PPP1R12B: variants seen among roughly 807,000 people sequenced by gnomAD.
The protein encoded by PPP1R12B is protein phosphatase 1 regulatory subunit 12B.
A neutral mutation model predicts 126.1 loss-of-function variants in PPP1R12B; 76 were observed. The ratio of observed to expected loss-of-function variants is 0.60; its 90% CI spans 0.50 to 0.73. PPP1R12B has a LOEUF of 0.73. Ranked by LOEUF, PPP1R12B falls within the 30% of genes least tolerant of loss-of-function variation. The pLI is 0.00. For synonymous variants in PPP1R12B, 356 were observed against 434.7 expected, an observed-to-expected ratio of 0.82 and a Z score of 2.25; for missense variants, 1,052 against 1,205.1, an observed-to-expected ratio of 0.87 and a Z score of 1.88.
chr1:202,383,737 AAG>A (rs1662700101), intron 1 of PPP1R12B, among the ~76,000 whole-genome samples: 1 of 152,188 alleles, frequency 6.6e-6, no homozygotes. Flanking sequence ...AAAAAAGAAA[AAG>A]ATATAATCTA....
At chr1:202,473,723 C>A (rs1676244241) in intron 13 of PPP1R12B, among the ~76,000 whole-genome samples, 1 of 152,216 alleles carries the variant, frequency 6.6e-6, no homozygotes, top group Non-Finnish European at 1.5e-5. Context: ...TGCCTTCTTT[C>A]CCTTTTCTCC....
At chr1:202,438,213 A>C (rs752122167) in intron 10 of PPP1R12B, 189 bp downstream of exon 10, 3 of 1,565,338 alleles carry the variant, frequency 1.9e-6, no homozygotes, top group Non-Finnish European at 2.6e-6. Flanking sequence ...TTGCTTGACC[A>C]AAAAAGAAAA....
rs2149047931 is a variant in PPP1R12B, at chr1:202,583,790, C to T, written c.*3230C>T. 6.6e-6 allele frequency: 1 copy of T among 152,318 alleles called. No individual in the cohort carries two copies. The highest frequency in any genetic ancestry group is 1.9e-4 in the East Asian group (1 of 5,192). 9.4% of individuals were successfully genotyped at this position (152,318 alleles called of 1,614,324 possible). A position where few individuals can be genotyped will look rare whatever the true frequency, so the allele number is the denominator to read the frequency against. Reference sequence around the variant, plus strand: ...TCATGAGCACCCCAGGCAGCTCAAGCTGAATAAATAGCTGCAGACATGGCC... The same window carrying T: ...TCATGAGCACCCCAGGCAGCTCAAGTTGAATAAATAGCTGCAGACATGGCC... On this transcript the variant is annotated 3_prime_UTR_variant, in exon 24 of 24. Transcript: ENST00000608999.
At chr1:202,464,282 A>G (rs1295962112) in intron 13 of PPP1R12B, among the ~76,000 whole-genome samples, 1 of 152,196 alleles carries the variant, frequency 6.6e-6, no homozygotes, top group African/African-American at 2.4e-5. Context: ...CCTAATACAT[A>G]GTAGATGATG....
chr1:202,578,138 T>C (rs1290047052), intron 23 of PPP1R12B, among the ~76,000 whole-genome samples: 1 of 152,240 alleles, frequency 6.6e-6, no homozygotes, highest in Non-Finnish European at 1.5e-5. Context: ...AATTGTAGCA[T>C]GTTGCAGCTG....
intron 1 of PPP1R12B, among the ~76,000 whole-genome samples, chr1:202,373,573 C>T (rs1435197277): frequency 6.6e-6 from 1 of 152,042 alleles, no homozygotes; most frequent in Non-Finnish European, 1.5e-5. Flanking sequence ...GTTGAAAAGA[C>T]CCTTATGCCT....
chr1:202,441,719 C>T (rs556276401), intron 11 of PPP1R12B, among the ~76,000 whole-genome samples: 92 of 152,138 alleles, frequency 6.0e-4, no homozygotes, highest in African/African-American at 2.0e-3. Context: ...AAAGAGGCTT[C>T]CAGCAAGACT....
chr1:202,356,518 C>G (rs1657133117), intron 1 of PPP1R12B, among the ~76,000 whole-genome samples: 1 of 152,144 alleles, frequency 6.6e-6, no homozygotes, highest in Admixed American at 6.6e-5. Flanking sequence ...GTAAAAGAGA[C>G]TTTGGGGATA....
chr1:202,408,687 C>T (rs192014816), intron 1 of PPP1R12B, among the ~76,000 whole-genome samples: 7 of 152,220 alleles, frequency 4.6e-5, no homozygotes, highest in African/African-American at 1.7e-4. Flanking sequence ...GGTATATATA[C>T]ATTGCATGTA....
At chr1:202,407,951 A>G (rs1666841193) in intron 1 of PPP1R12B, among the ~76,000 whole-genome samples, 1 of 152,212 alleles carries the variant, frequency 6.6e-6, no homozygotes, top group Admixed American at 6.5e-5. Context: ...AACAGTATAG[A>G]ATAATGACTA....
Position 202,585,264 on chromosome 1 carries a change from T to C in PPP1R12B, c.*4704T>C, listed in dbSNP as rs1158460624. ...CACCTGGCTGGGCCTCCCAAAGCGA[T>C]AGGATTACAGGCGTAAGGGCCCACG... On this transcript the variant is annotated 3_prime_UTR_variant, in exon 24 of 24. Coordinates refer to ENST00000608999, the MANE Select transcript of PPP1R12B (RefSeq NM_002481.4). 2.0e-5 allele frequency: 3 copies of C among 152,326 alleles called. No homozygotes were observed. Among genetic ancestry groups the C allele is most frequent in the Non-Finnish European group, 2.9e-5 (2 of 68,102 alleles). The allele number at this position is 152,326 out of a possible 1,614,324, so 9.4% of individuals were successfully genotyped here. A position where few individuals can be genotyped will look rare whatever the true frequency, so the allele number is the denominator to read the frequency against.
rs374130924 is a variant in PPP1R12B, at chr1:202,408,985, A to G, written c.292-7802A>G. ...CCTAAGTAGCTGGGATTACAGGCGCATGCCACCACACCCAGCTAATTTTTT... is the reference window on the plus strand; with the variant it reads ...CCTAAGTAGCTGGGATTACAGGCGCGTGCCACCACACCCAGCTAATTTTTT... On this transcript the variant is annotated intron_variant, in intron 1 of 23. Coordinates refer to ENST00000608999, the MANE Select transcript of PPP1R12B (RefSeq NM_002481.4). 2.5e-3 allele frequency among the ~76,000 whole-genome samples: 372 copies of G among 150,508 alleles called. 3 individuals are homozygous for G. Among genetic ancestry groups the G allele is most frequent in the South Asian group, 0.011 (54 of 4,738 alleles).
intron 18 of PPP1R12B, among the ~76,000 whole-genome samples, chr1:202,544,234 C>T (rs532962840): frequency 5.7e-4 from 86 of 152,196 alleles, no homozygotes; most frequent in African/African-American, 1.6e-3. Flanking sequence ...TCTGAGTCTT[C>T]GTAGTTAAAG....
chr1:202,405,008 G>A (rs1190737841), intron 1 of PPP1R12B, among the ~76,000 whole-genome samples: 1 of 152,198 alleles, frequency 6.6e-6, no homozygotes, highest in African/African-American at 2.4e-5. Context: ...TGAGGACCAT[G>A]TCTGGTATAG....
intron 15 of PPP1R12B, 28 bp from the exon 16 acceptor site, chr1:202,495,265 A>T (rs772587306): frequency 2.0e-6 from 3 of 1,515,592 alleles, no homozygotes; most frequent in Non-Finnish European, 2.7e-6. Flanking sequence ...CTTGATTTCT[A>T]ATATCTCATA....
At chr1:202,355,252 T>G (rs941658905) in intron 1 of PPP1R12B, among the ~76,000 whole-genome samples, 5 of 152,256 alleles carry the variant, frequency 3.3e-5, no homozygotes, top group Admixed American at 2.0e-4. Flanking sequence ...GATTCTTAAT[T>G]AACAACTAAT....
chr1:202,548,770 C>T (rs572105323), intron 18 of PPP1R12B, among the ~76,000 whole-genome samples: 2 of 99,518 alleles, frequency 2.0e-5, no homozygotes, highest in East Asian at 9.7e-4. Context: ...CGCTCACTCG[C>T]TCGCTGTCTC....
In PPP1R12B at chr1:202,535,041, A is replaced by ATGTGTG. The variant is rs999207476; in HGVS notation, c.2491-23828_2491-23823dup. ...ATGCTAGGCACTGTGATGGATGATTATGTGTGTGTGTGTATGTGTGTGTGT... is the reference window on the plus strand; with the variant it reads ...ATGCTAGGCACTGTGATGGATGATTATGTGTGTGTGTGTGTGTGTATGTGTGTGTGT... On this transcript the variant is annotated intron_variant, in intron 18 of 23. Coordinates refer to ENST00000608999, the MANE Select transcript of PPP1R12B (RefSeq NM_002481.4). Among the ~76,000 whole-genome samples the ATGTGTG allele has an allele frequency of 7.3e-5, 11 of 149,814 alleles. No individual in the cohort carries two copies. In the East Asian group the frequency reaches 8.0e-4, roughly 11 times the overall value.
intron 13 of PPP1R12B, among the ~76,000 whole-genome samples, chr1:202,459,362 T>C (rs905737177): frequency 2.5e-4 from 38 of 152,290 alleles, no homozygotes; most frequent in African/African-American, 9.1e-4. Context: ...CAGTCTTTCT[T>C]ATAATGTAAG....
Sources: allele counts gnomAD v4.1 joint callset (sites outside exome capture counted in the v4.1 genomes callset), GRCh38; gene constraint gnomAD v4.1.1; transcripts MANE v1.5; gene names NCBI Gene and HGNC (gene_info 2026-07-23, HGNC 2026-07-21).